PCDH11X: variants seen among roughly 807,000 people sequenced by gnomAD.
PCDH11X encodes protocadherin-11 X-linked.
Under a neutral mutation model 53.3 loss-of-function variants are expected in PCDH11X, and 18 were observed. The ratio of observed to expected loss-of-function variants is 0.34; its 90% CI spans 0.23 to 0.50. The LOEUF (loss-of-function observed/expected upper bound fraction) is 0.50, where lower values mean the gene tolerates loss of function less well. Among genes scored for constraint, PCDH11X ranks in the 20% least tolerant of loss-of-function variants. The pLI is 0.98. For missense variants in PCDH11X, 570 were observed against 1,032.4 expected, an observed-to-expected ratio of 0.55 and a Z score of 6.14; for synonymous variants, 279 against 393.3, an observed-to-expected ratio of 0.71 and a Z score of 3.44.
At chrX:92,607,731 T>C (rs1368517219) in intron 10 of PCDH11X, among the ~76,000 whole-genome samples, 1 of 111,868 alleles carries the variant, frequency 8.9e-6, no homozygotes, top group Non-Finnish European at 1.9e-5. Flanking sequence ...ATATTGAAAC[T>C]ATGATGTATT....
At chrX:92,270,112 CT>C (rs760007148) in intron 8 of PCDH11X, among the ~76,000 whole-genome samples, 8,196 of 95,139 alleles carry the variant, frequency 0.086, 504 homozygotes, top group African/African-American at 0.21. Context: ...GCTTCCTTTT[CT>C]TTTTTTTTTT....
At chrX:92,279,039 G>A (rs1050889631) in intron 8 of PCDH11X, among the ~76,000 whole-genome samples, 8 of 110,836 alleles carry the variant, frequency 7.2e-5, no homozygotes, top group East Asian at 5.7e-4. Flanking sequence ...TCGAACTCCC[G>A]ACCTCAGGTG....
chrX:92,001,307 A>T (rs1186158836), intron 6 of PCDH11X, among the ~76,000 whole-genome samples: 4 of 110,614 alleles, frequency 3.6e-5, no homozygotes, highest in South Asian at 7.7e-4. Context: ...TGTAGTTTTG[A>T]TTTGCATTTC....
At chrX:91,958,338 G>C (rs1174833171) in intron 6 of PCDH11X, among the ~76,000 whole-genome samples, 6 of 111,678 alleles carry the variant, frequency 5.4e-5, no homozygotes, top group Non-Finnish European at 1.1e-4. Context: ...GATATGTGCA[G>C]ATGGATTTCC....
intron 10 of PCDH11X, among the ~76,000 whole-genome samples, chrX:92,478,821 G>A (rs1240288972): frequency 1.8e-5 from 2 of 110,512 alleles, no homozygotes; most frequent in East Asian, 2.8e-4. Context: ...AGTATGTGCC[G>A]AGTGGCATTG....
At chrX:92,452,465 A>G (rs199624449) in intron 9 of PCDH11X, among the ~76,000 whole-genome samples, 213 of 14,278 alleles carry the variant, frequency 0.015, no homozygotes, top group African/African-American at 0.099. Flanking sequence ...GTGTGTGTGT[A>G]TATATATATA....
At chrX:92,254,849 C>T (rs1462089296) in intron 7 of PCDH11X, among the ~76,000 whole-genome samples, 1 of 108,834 alleles carries the variant, frequency 9.2e-6, no homozygotes, top group Non-Finnish European at 1.9e-5. Flanking sequence ...GGTAACCTGA[C>T]CTTTCTCTCT....
chrX:91,991,758 C>T (rs34259059), intron 6 of PCDH11X, among the ~76,000 whole-genome samples: 5 of 108,422 alleles, frequency 4.6e-5, no homozygotes, highest in African/African-American at 1.3e-4. Context: ...TATGTTGACT[C>T]GCGTTTACAT....
At chrX:92,097,237 G>A (rs2759976) in intron 6 of PCDH11X, among the ~76,000 whole-genome samples, 1 of 109,418 alleles carries the variant, frequency 9.1e-6, no homozygotes, top group African/African-American at 3.3e-5. Context: ...GGAAACATAC[G>A]GAGACCCATC....
chrX:91,914,436 T>C (rs1941487065), intron 6 of PCDH11X, among the ~76,000 whole-genome samples: 1 of 110,964 alleles, frequency 9.0e-6, no homozygotes, highest in Middle Eastern at 4.7e-3. Context: ...CTTCAGAAGG[T>C]AGATTATTAA....
At chrX:92,500,970 G>T (rs2073949758) in intron 10 of PCDH11X, among the ~76,000 whole-genome samples, 3 of 110,600 alleles carry the variant, frequency 2.7e-5, no homozygotes, top group South Asian at 7.7e-4. Flanking sequence ...AAAGTAGATA[G>T]ACTACTATCT....
Position 92,004,916 on chromosome X carries a change from C to T in PCDH11X, c.3033+125643C>T, listed in dbSNP as rs777269204. On this transcript the variant is annotated intron_variant, in intron 6 of 10. Transcript: ENST00000682573. The stretch of plus-strand genomic sequence containing the variant: ...TCAGCCTCCCAAGTAGCTGGGACTA[C>T]GGGCACCCGCCACCGCGCCCGGCTA... Among the ~76,000 whole-genome samples, 19 of 108,902 alleles carry T rather than the reference C, an allele frequency of 1.7e-4. No homozygotes were observed. In the East Asian group the frequency reaches 1.7e-3, roughly 10 times the overall value. 94.6% of individuals were successfully genotyped at this position (108,902 alleles called of 115,157 possible).
intron 6 of PCDH11X, among the ~76,000 whole-genome samples, chrX:92,054,012 G>A (rs1440587538): frequency 9.0e-6 from 1 of 111,564 alleles, no homozygotes; most frequent in African/African-American, 3.3e-5. Flanking sequence ...AATAAATGTG[G>A]CCAAGATCAC....
chrX:92,533,521 T>G (rs933890314), intron 10 of PCDH11X, among the ~76,000 whole-genome samples: 7 of 105,736 alleles, frequency 6.6e-5, no homozygotes, highest in Non-Finnish European at 1.2e-4. Context: ...GCTTAGCATG[T>G]TGGAAGAACC....
intron 1 of PCDH11X, among the ~76,000 whole-genome samples, chrX:91,787,962 G>A (rs1317478284): frequency 2.7e-5 from 3 of 111,623 alleles, no homozygotes; most frequent in East Asian, 2.8e-4. Flanking sequence ...GAGTGGAAGG[G>A]ACCAGAAAGA....
At chrX:92,535,790 C>T (rs749211752) in intron 10 of PCDH11X, among the ~76,000 whole-genome samples, 5 of 111,792 alleles carry the variant, frequency 4.5e-5, no homozygotes, top group African/African-American at 1.6e-4. Context: ...GAGAACACTA[C>T]TCTAATTTAA....
chrX:91,868,358 C>T (rs1006384363), intron 5 of PCDH11X, among the ~76,000 whole-genome samples: 1 of 111,801 alleles, frequency 8.9e-6, no homozygotes, highest in African/African-American at 3.2e-5. Flanking sequence ...TCCATTTAAT[C>T]AATAGTCAGA....
chrX:92,488,724 T>C (rs762606890), intron 10 of PCDH11X, among the ~76,000 whole-genome samples: 145 of 102,599 alleles, frequency 1.4e-3, no homozygotes, highest in African/African-American at 5.1e-3. Flanking sequence ...TTAGTCTCAA[T>C]ATAAATACAA....
chrX:92,221,160 T>G (rs1203860193), intron 7 of PCDH11X, among the ~76,000 whole-genome samples: 1 of 102,179 alleles, frequency 9.8e-6, no homozygotes, highest in Non-Finnish European at 2.0e-5. Flanking sequence ...GTAACTAACC[T>G]GCACATTGTG....
Sources: gnomAD v4.1 joint callset for allele counts (sites outside exome capture counted in the v4.1 genomes callset) on GRCh38, gnomAD v4.1.1 for gene constraint, MANE v1.5 for transcripts, NCBI Gene and HGNC (gene_info 2026-07-23, HGNC 2026-07-21) for gene names.